Variants in PXK observed in about 807,000 individuals in gnomAD.
PXK encodes the protein PX domain-containing protein kinase-like protein.
A neutral mutation model predicts 84.7 loss-of-function variants in PXK; 35 were observed. The ratio of observed to expected loss-of-function variants is 0.41; its 90% confidence interval spans 0.32 to 0.55. The LOEUF (loss-of-function observed/expected upper bound fraction) is 0.55, where lower values mean the gene tolerates loss of function less well. PXK is among the 20% of genes least tolerant of loss of function. PXK has a pLI of 0.21. For missense variants in PXK, 634 were observed against 699.7 expected (o/e 0.91, Z 1.06); for synonymous variants, 253 against 260.8 (o/e 0.97, Z 0.29).
intron 5 of PXK, 109 bp from the exon 6 acceptor site, chr3:58,391,038 C>T: frequency 1.9e-5 from 14 of 756,472 alleles, no homozygotes. Context: ...GCCTATGTAG[C>T]TGCGAATAAT....
intron 1 of PXK, among the ~76,000 whole-genome samples, chr3:58,347,528 G>A (rs9881869): frequency 0.72 from 109,575 of 152,058 alleles, 40,483 homozygotes; most frequent in East Asian, 1. Context: ...TTTACTTAAC[G>A]TAAAGCTTTG....
chr3:58,389,358 C>T (rs1305089219), intron 4 of PXK, among the ~76,000 whole-genome samples: 5 of 152,114 alleles, frequency 3.3e-5, no homozygotes, highest in Non-Finnish European at 7.3e-5. Context: ...GACTTTAGAA[C>T]ATGTTTTGAG....
intron 1 of PXK, among the ~76,000 whole-genome samples, chr3:58,353,630 A>G (rs1203830264): frequency 2.0e-5 from 3 of 152,228 alleles, no homozygotes; most frequent in Non-Finnish European, 4.4e-5. Context: ...TGAGCTAAGC[A>G]GAAGTCCTGC....
In PXK at chr3:58,333,592, G is replaced by GT. The variant is rs2097535836; in HGVS notation, c.102+503dup. 1 of 456,618 alleles carries GT rather than the reference G, an allele frequency of 2.2e-6. No individual in the cohort carries two copies. The highest frequency in any genetic ancestry group is 6.9e-5 in the East Asian group (1 of 14,406). 28.3% of individuals were successfully genotyped at this position (456,618 alleles called of 1,614,324 possible). On this transcript the variant is annotated intron_variant, in intron 1 of 17. Coordinates refer to ENST00000356151, the MANE Select transcript of PXK (RefSeq NM_017771.5). The surrounding 1 kb of genome is among the most constrained non-coding windows in gnomAD (Gnocchi z 5.4). ...AGCCTACTTGTTGGGACAGCAGAGT[G>GT]TAAGTGGCTGGGGTCTGCAGCCCCG...
chr3:58,393,145 G>A (rs149169787), intron 7 of PXK, among the ~76,000 whole-genome samples: 4,553 of 151,722 alleles, frequency 0.03, 251 homozygotes, highest in African/African-American at 0.1. Context: ...TCAGGAGATC[G>A]AAACCATCCT....
intron 1 of PXK, among the ~76,000 whole-genome samples, chr3:58,343,359 A>C (rs140803202): frequency 6.6e-6 from 1 of 152,366 alleles, no homozygotes; most frequent in East Asian, 1.9e-4. Context: ...CCGTGAGAGC[A>C]CAGGGAATGG....
At position 58,409,753 on chromosome 3, in the gene PXK, C is replaced by A. The variant is rs2059914402; in HGVS notation, c.1395+135C>A. ...GAAAGCTAAGACTATTTCCAGATGA[C>A]TGGGGTGCAGTTTTTTTGGGGAAAA... On this transcript the variant is annotated intron_variant, in intron 15 of 17. Coordinates refer to ENST00000356151, the MANE Select transcript of PXK (RefSeq NM_017771.5). The surrounding 1 kb of genome is among the most constrained non-coding windows in gnomAD (Gnocchi z 4.2). 2.8e-6 allele frequency: 2 copies of A among 712,602 alleles called. No homozygotes were observed. Among genetic ancestry groups the A allele is most frequent in the African/African-American group, 2.1e-5 (1 of 48,420 alleles). 44.1% of individuals were successfully genotyped at this position (712,602 alleles called of 1,614,324 possible).
chr3:58,420,439 T>A, intron 17 of PXK: 2 of 1,414,540 alleles, frequency 1.4e-6, no homozygotes, highest in Non-Finnish European at 1.9e-6. Flanking sequence ...TGATTCAGAC[T>A]AATATTTTAC....
intron 17 of PXK, among the ~76,000 whole-genome samples, chr3:58,424,234 T>G (rs1190250208): frequency 1.3e-5 from 2 of 152,256 alleles, no homozygotes; most frequent in Admixed American, 1.3e-4. Context: ...CTGAGTGGTC[T>G]GTCATTTTAC....
chr3:58,351,156 C>G (rs2097914313), intron 1 of PXK, among the ~76,000 whole-genome samples: 1 of 152,174 alleles, frequency 6.6e-6, no homozygotes, highest in Admixed American at 6.5e-5. Flanking sequence ...ATACCAGGCT[C>G]TTACCCAAGC....
chr3:58,360,264 TTAACA>T (rs767803209), intron 1 of PXK, among the ~76,000 whole-genome samples: 2 of 152,220 alleles, frequency 1.3e-5, no homozygotes, highest in African/African-American at 4.8e-5. Context: ...TGTACCATCC[TTAACA>T]TAATCCAGGA....
Position 58,390,691 on chromosome 3 carries a change from A to C in PXK, c.466+32A>C. 6.3e-7 allele frequency: 1 copy of C among 1,587,128 alleles called. No individual in the cohort carries two copies. Among genetic ancestry groups the C allele is most frequent in the Non-Finnish European group, 8.6e-7 (1 of 1,159,294 alleles). ...CATTGGCACGCTCATTCTGTTAAAAAGACAGATCACAGAACTGGATCCTTA... is the reference window on the plus strand; with the variant it reads ...CATTGGCACGCTCATTCTGTTAAAACGACAGATCACAGAACTGGATCCTTA... On this transcript the variant is annotated intron_variant, in intron 5 of 17. Coordinates refer to ENST00000356151, the MANE Select transcript of PXK (RefSeq NM_017771.5). This position sits in a 1 kb window ranked among gnomAD's most constrained non-coding sequence, Gnocchi z 4.2.
rs2098476773 is a variant in PXK, at chr3:58,379,393, T to A, written c.202-3121T>A. 1 of 153,450 alleles carries A rather than the reference T, an allele frequency of 6.5e-6. No homozygotes were observed. Among genetic ancestry groups the A allele is most frequent in the Admixed American group, 6.5e-5 (1 of 15,272 alleles). The allele number at this position is 153,450 out of a possible 1,614,324, so 9.5% of individuals were successfully genotyped here. The stretch of plus-strand genomic sequence containing the variant: ...TTCCTGTGGATATGTTTTGTAGGAC[T>A]CTCTGCTTTTTCTAAATTTCACTAC... On this transcript the variant is annotated intron_variant, in intron 3 of 17. Coordinates refer to ENST00000356151, the MANE Select transcript of PXK (RefSeq NM_017771.5). This position sits in a 1 kb window ranked among gnomAD's most constrained non-coding sequence, Gnocchi z 5.1.
chr3:58,357,034 A>C (rs1357782814), intron 1 of PXK, among the ~76,000 whole-genome samples: 1 of 150,870 alleles, frequency 6.6e-6, no homozygotes, highest in Non-Finnish European at 1.5e-5. Context: ...TAATCCCAGC[A>C]CTTTGGGAGG....
At chr3:58,357,114 A>T (rs1436355031) in intron 1 of PXK, among the ~76,000 whole-genome samples, 1 of 151,454 alleles carries the variant, frequency 6.6e-6, no homozygotes, top group Non-Finnish European at 1.5e-5. Context: ...CCCCGTCTCT[A>T]CTAAAAATAC....
In PXK at chr3:58,397,693, C is replaced by A; in HGVS notation, c.1073C>A (p.Ser358Tyr). ...CCGCCAGACTCGGTGCCTGTGGACT[C>A]CTTCCCTCCTGCCCCGTCCATGGCT... is the stretch of plus-strand genomic sequence containing the variant. ...GRPPDSVPVD[S>Y]FPPAPSMAVV... The change falls in exon 11 of 18, where the codon TCC becomes TAC. Residue 358 changes from serine (S) to tyrosine (Y), a missense_variant. Ser to Tyr is a moderately radical substitution (Grantham distance 144). This residue lies in a region of PXK where 273 missense variants were observed against 283.6 expected (regional missense o/e 0.96). Transcript: ENST00000356151. This position sits in a 1 kb window ranked among gnomAD's most constrained non-coding sequence, Gnocchi z 4.7. 1 of 1,613,926 alleles carries A rather than the reference C, an allele frequency of 6.2e-7. No homozygotes were observed. The highest frequency in any genetic ancestry group is 8.5e-7 in the Non-Finnish European group (1 of 1,179,880).
At position 58,400,443 on chromosome 3, in the gene PXK, C is replaced by T. The variant is rs1330695090; in HGVS notation, c.1181+1066C>T. 6.6e-6 allele frequency among the ~76,000 whole-genome samples: 1 copy of T among 152,164 alleles called. No individual in the cohort carries two copies. Among genetic ancestry groups the T allele is most frequent in the African/African-American group, 2.4e-5 (1 of 41,440 alleles). On this transcript the variant is annotated intron_variant, in intron 12 of 17. Transcript: ENST00000356151. The surrounding 1 kb of genome is among the most constrained non-coding windows in gnomAD (Gnocchi z 4.0). ...AGTTCAGAGAAGGTAGAGATAACTT[C>T]CGGTTCCTGGTTCTTTCTTTCCACA...
At chr3:58,422,443 C>G (rs1004824677) in intron 17 of PXK, 2 of 985,324 alleles carry the variant, frequency 2.0e-6, no homozygotes. Flanking sequence ...GGAGATCCTG[C>G]TGCCTGTCCT....
At position 58,410,225 on chromosome 3, in the gene PXK, T is replaced by G. The variant is rs2060000304; in HGVS notation, c.1465+66T>G. ...ATCAGGATCAGGAGTCTCTAGTTGG[T>G]CAAGAGGTCTTGAGTTCTGCTGGCC... is the stretch of plus-strand genomic sequence containing the variant. On this transcript the variant is annotated intron_variant, in intron 16 of 17. Coordinates refer to ENST00000356151, the MANE Select transcript of PXK (RefSeq NM_017771.5). The G allele has an allele frequency of 5.6e-6, 7 of 1,249,354 alleles. No individual in the cohort carries two copies. In the East Asian group the frequency reaches 1.6e-4, roughly 29 times the overall value. 77.4% of individuals were successfully genotyped at this position (1,249,354 alleles called of 1,614,324 possible). A position where few individuals can be genotyped will look rare whatever the true frequency, so the allele number is the denominator to read the frequency against.
Sources: allele counts gnomAD v4.1 joint callset (sites outside exome capture counted in the v4.1 genomes callset), GRCh38; gene constraint gnomAD v4.1.1; regional missense constraint gnomAD v4.1.1; non-coding constraint Gnocchi (gnomAD v3.1); transcripts MANE v1.5; gene names NCBI Gene and HGNC (gene_info 2026-07-23, HGNC 2026-07-21).